The following MYO1F variants were observed in gnomAD, a reference collection of about 807,000 sequenced individuals.
The protein encoded by MYO1F is myosin IF.
Under a neutral mutation model 146.6 loss-of-function variants are expected in MYO1F, and 60 were observed. The ratio of observed to expected loss-of-function variants is 0.41; its 90% CI spans 0.33 to 0.51. The LOEUF is 0.51. Ranked by LOEUF, MYO1F falls within the 20% of genes least tolerant of loss-of-function variation. The pLI is 0.25. For synonymous variants in MYO1F, 602 were observed against 602.1 expected, an observed-to-expected ratio of 1.00 and a Z score of 0.00; for missense variants, 1,274 against 1,534.3, an observed-to-expected ratio of 0.83 and a Z score of 2.83.
intron 19 of MYO1F, among the ~76,000 whole-genome samples, chr19:8,532,043 G>T (rs376324841): frequency 6.6e-6 from 1 of 151,998 alleles, no homozygotes. Context: ...GCTTGAACTC[G>T]GGAGGTGGTG....
At position 8,544,483 on chromosome 19, in the gene MYO1F, C is replaced by G. The variant is rs1421824121; in HGVS notation, c.1357-19G>C. On this transcript the variant is annotated intron_variant, in intron 13 of 27. Coordinates refer to ENST00000644032, the MANE Select transcript of MYO1F (RefSeq NM_012335.4). ...GGGGGCTCTGCGGGGCGAGCGGGAGCCAGCAGCGGCTCAGTTTGGTCTGCC... is the reference window on the plus strand; with the variant it reads ...GGGGGCTCTGCGGGGCGAGCGGGAGGCAGCAGCGGCTCAGTTTGGTCTGCC... 6.2e-7 allele frequency: 1 copy of G among 1,601,216 alleles called. No homozygotes were observed. Among genetic ancestry groups the G allele is most frequent in the African/African-American group, 1.3e-5 (1 of 74,784 alleles).
intron 4 of MYO1F, 85 bp downstream of exon 4, chr19:8,554,392 G>A (rs1015993461): frequency 2.6e-6 from 3 of 1,159,900 alleles, no homozygotes; most frequent in South Asian, 1.2e-5. Flanking sequence ...CAGATTGGGA[G>A]TTTCAGGCAA....
At chr19:8,528,895 T>C (rs1389907891) in intron 21 of MYO1F, among the ~76,000 whole-genome samples, 1 of 151,720 alleles carries the variant, frequency 6.6e-6, no homozygotes, top group Non-Finnish European at 1.5e-5. Context: ...GTGTACCTGG[T>C]AGAAGGGTGA....
At position 8,564,441 on chromosome 19, in the gene MYO1F, G is replaced by A. The variant is rs368210279; in HGVS notation, c.4-8645C>T. Reference sequence around the variant, plus strand: ...GATGCACTGAGAGTCCCTGGGGTGCGTCAGGAGATGACAGAATCCTGGGGA... The same window carrying A: ...GATGCACTGAGAGTCCCTGGGGTGCATCAGGAGATGACAGAATCCTGGGGA... On this transcript the variant is annotated intron_variant, in intron 1 of 27. Transcript: ENST00000644032. 1.1e-4 allele frequency among the ~76,000 whole-genome samples: 16 copies of A among 152,142 alleles called. No homozygotes were observed. In the East Asian group the frequency reaches 2.9e-3, roughly 28 times the overall value.
At chr19:8,571,691 G>A (rs920359535) in intron 1 of MYO1F, among the ~76,000 whole-genome samples, 13 of 151,988 alleles carry the variant, frequency 8.6e-5, no homozygotes, top group Non-Finnish European at 4.4e-5. Context: ...TCTGCCTCCC[G>A]AGTTCACGCC....
At chr19:8,527,154 G>A (rs1462135605) in intron 22 of MYO1F, among the ~76,000 whole-genome samples, 184 bp downstream of exon 22, 1 of 152,050 alleles carries the variant, frequency 6.6e-6, no homozygotes, top group African/African-American at 2.4e-5. Flanking sequence ...GGTGCAGGAC[G>A]GAAGGATTTG....
rs1326509533 is a variant in MYO1F at position 8,536,941 on chromosome 19, G to A, written c.1799+8C>T. 7.4e-7 allele frequency: 1 copy of A among 1,360,236 alleles called. No homozygotes were observed. The allele number at this position is 1,360,236 out of a possible 1,614,324, so 84.3% of individuals were successfully genotyped here. On this transcript the variant is annotated splice_region_variant and intron_variant, in intron 17 of 27. Transcript: ENST00000644032. ...GGAATGAATCTTGGATTGGTTGGGG[G>A]GGATCACCTGTTCTCCTCCCAGTCT...
chr19:8,553,894 A>ACACACACACACACACACTCTCTCTCT lies in MYO1F; in HGVS notation c.327-458_327-457insAGAGAGAGAGTGTGTGTGTGTGTGTG. Among the ~76,000 whole-genome samples the ACACACACACACACACACTCTCTCTCT allele has an allele frequency of 1.8e-3, 183 of 102,608 alleles. 2 individuals are homozygous for ACACACACACACACACACTCTCTCTCT. Among genetic ancestry groups the ACACACACACACACACACTCTCTCTCT allele is most frequent in the Non-Finnish European group, 2.8e-3 (147 of 52,734 alleles). The allele number at this position is 102,608 out of a possible 152,430, so 67.3% of individuals were successfully genotyped here. On this transcript the variant is annotated intron_variant, in intron 4 of 27. Transcript: ENST00000644032. ...CACACACACACACACACACACACAC[A>ACACACACACACACACACTCTCTCTCT]CTCTCTCTCTCTCTCTCTCTCTCTC...
intron 19 of MYO1F, among the ~76,000 whole-genome samples, chr19:8,532,777 A>C (rs976237930): frequency 6.6e-6 from 1 of 151,968 alleles, no homozygotes; most frequent in Non-Finnish European, 1.5e-5. Context: ...AGTCCCAGCT[A>C]TTCCGGAGGG....
intron 12 of MYO1F, 151 bp downstream of exon 12, chr19:8,547,885 G>A: frequency 4.3e-6 from 3 of 697,974 alleles, no homozygotes; most frequent in Non-Finnish European, 7.5e-6. Context: ...GCAGAAGGAA[G>A]TATCACTATG....
At chr19:8,554,602 G>A (rs748753748) in intron 3 of MYO1F, 31 bp from the exon 4 acceptor site, 1 of 1,611,836 alleles carries the variant, frequency 6.2e-7, no homozygotes, top group Non-Finnish European at 8.5e-7. Flanking sequence ...TCAGCCCAGG[G>A]CTGGGGGCCA....
At chr19:8,550,839 G>A (rs1385862873) in intron 8 of MYO1F, 145 bp from the exon 9 acceptor site, 2 of 1,023,372 alleles carry the variant, frequency 2.0e-6, no homozygotes, top group Non-Finnish European at 2.9e-6. Flanking sequence ...CTTGCCGCGT[G>A]ACCTTGGGTA....
In MYO1F at chr19:8,530,447, G is replaced by C. The variant is rs775180613; in HGVS notation, c.2158+12C>G. The C allele has an allele frequency of 6.2e-7, 1 of 1,613,652 alleles. No individual in the cohort carries two copies. Among genetic ancestry groups the C allele is most frequent in the East Asian group, 2.2e-5 (1 of 44,886 alleles). On this transcript the variant is annotated intron_variant, in intron 20 of 27. Transcript: ENST00000644032. This position sits in a 1 kb window ranked among gnomAD's most constrained non-coding sequence, Gnocchi z 5.8. ...TGCCCCCACCCCGCGCCGTTTACCC[G>C]AAGCCTCTCACCTTCCTCCCGCATC... is the stretch of plus-strand genomic sequence containing the variant.
chr19:8,546,415 A>G (rs563907004), intron 12 of MYO1F, among the ~76,000 whole-genome samples: 27 of 151,294 alleles, frequency 1.8e-4, no homozygotes, highest in Non-Finnish European at 3.1e-4. Context: ...GCTGGAACTC[A>G]GCGATGCGAT....
intron 4 of MYO1F, 91 bp from the exon 5 acceptor site, chr19:8,553,528 C>T (rs2145922151): frequency 1.9e-6 from 2 of 1,034,056 alleles, no homozygotes; most frequent in East Asian, 2.4e-5. Flanking sequence ...CTACTGTGTG[C>T]CTGCCAGTAT....
intron 24 of MYO1F, among the ~76,000 whole-genome samples, chr19:8,526,226 C>T (rs1388945008): frequency 6.6e-6 from 1 of 152,224 alleles, no homozygotes; most frequent in Non-Finnish European, 1.5e-5. Context: ...ACTCGGGAGG[C>T]TGAGGCAAGA....
Position 8,530,360 on chromosome 19 carries a change from T to C in MYO1F, c.2164A>G (p.Asn722Asp), listed in dbSNP as rs763202102. 6.2e-6 allele frequency: 10 copies of C among 1,614,048 alleles called. No homozygotes were observed. In the South Asian group the frequency reaches 9.9e-5, roughly 16 times the overall value. Reference protein sequence around the residue: ...KYEEMREEASNILLNKKERRR... With the variant: ...KYEEMREEASDILLNKKERRR... ...CGCTCCTTCTTGTTCAGCAGGATGT[T>C]GGAAGCTGCGGGGACAGAGGGTGGA... The change falls in exon 21 of 28, where the codon AAC (asparagine) becomes GAC (aspartate). Residue 722 changes from asparagine (N) to aspartate (D), a missense_variant. Coordinates refer to ENST00000644032, the MANE Select transcript of MYO1F (RefSeq NM_012335.4). The surrounding 1 kb of genome is among the most constrained non-coding windows in gnomAD (Gnocchi z 5.8).
At chr19:8,553,585 G>T in intron 4 of MYO1F, 148 bp from the exon 5 acceptor site, 2 of 700,054 alleles carry the variant, frequency 2.9e-6, no homozygotes, top group South Asian at 1.7e-5. Flanking sequence ...TAAAATCTCT[G>T]CTCTCAGCCG....
chr19:8,554,214 C>G (rs539379757), intron 4 of MYO1F, among the ~76,000 whole-genome samples: 1 of 152,240 alleles, frequency 6.6e-6, no homozygotes, highest in African/African-American at 2.4e-5. Context: ...GCCTTGGCCT[C>G]CCAAAGTGCC....
Sources: gnomAD v4.1 joint callset for allele counts (sites outside exome capture counted in the v4.1 genomes callset) on GRCh38, gnomAD v4.1.1 for gene constraint, Gnocchi (gnomAD v3.1) non-coding constraint, MANE v1.5 for transcripts, NCBI Gene and HGNC (gene_info 2026-07-23, HGNC 2026-07-21) for gene names.